The following DAB1 variants were observed in gnomAD, a reference collection of about 807,000 sequenced individuals.
DAB1 encodes the protein disabled homolog 1.
A neutral mutation model predicts 64.6 loss-of-function variants in DAB1; 15 were observed. The observed-to-expected ratio is 0.23, with a 90% CI of 0.16 to 0.36. The LOEUF is 0.36. Among genes scored for constraint, DAB1 ranks in the 10% least tolerant of loss-of-function variants. The pLI, the probability that DAB1 is intolerant of heterozygous loss-of-function variation, is 1.00. For synonymous variants in DAB1, 235 were observed against 251.9 expected (o/e 0.93, Z 0.64); for missense variants, 596 against 706.7 (o/e 0.84, Z 1.78).
intron 2 of DAB1, among the ~76,000 whole-genome samples, chr1:57,198,263 G>C (rs553600456): frequency 6.6e-6 from 1 of 151,696 alleles, no homozygotes; most frequent in African/African-American, 2.4e-5. Context: ...AATCACCCAC[G>C]CTGTGACAGA....
intron 4 of DAB1, among the ~76,000 whole-genome samples, chr1:57,135,719 G>C (rs1036214121): frequency 1.3e-5 from 2 of 152,102 alleles, no homozygotes; most frequent in Non-Finnish European, 2.9e-5. Flanking sequence ...AAATAATAAT[G>C]CAAAATGACC....
intron 2 of DAB1, among the ~76,000 whole-genome samples, chr1:57,208,975 A>C (rs1189661447): frequency 1.3e-5 from 2 of 152,208 alleles, no homozygotes; most frequent in Non-Finnish European, 2.9e-5. Flanking sequence ...CTGTGTCACA[A>C]GGTGTTGCTG....
At chr1:57,985,935 C>T (rs1480043370) in intron 5 of DAB1, among the ~76,000 whole-genome samples, 1 of 152,142 alleles carries the variant, frequency 6.6e-6, no homozygotes, top group Admixed American at 6.6e-5. Flanking sequence ...ATGTTTTATC[C>T]TAACAGCCCT....
At chr1:57,412,426 G>C (rs892843601) in intron 1 of DAB1, among the ~76,000 whole-genome samples, 2 of 152,210 alleles carry the variant, frequency 1.3e-5, no homozygotes, top group African/African-American at 2.4e-5. Flanking sequence ...TCTTGTGCCA[G>C]ACAGCCAAGT....
chr1:57,421,109 C>A (rs1278764007), intron 1 of DAB1, among the ~76,000 whole-genome samples: 1 of 152,178 alleles, frequency 6.6e-6, no homozygotes, highest in African/African-American at 2.4e-5. Flanking sequence ...TGGGTACTAT[C>A]AGGTACCAAG....
At chr1:58,137,880 G>C (rs1654036350) in intron 5 of DAB1, among the ~76,000 whole-genome samples, 1 of 152,138 alleles carries the variant, frequency 6.6e-6, no homozygotes, top group Non-Finnish European at 1.5e-5. Context: ...GTTTCAGCTG[G>C]AAGTGCTTCT....
intron 6 of DAB1, among the ~76,000 whole-genome samples, chr1:57,731,082 T>C (rs1466994153): frequency 6.6e-6 from 1 of 152,194 alleles, no homozygotes; most frequent in East Asian, 1.9e-4. Flanking sequence ...TGTCCAGAGA[T>C]AGATGAATGG....
At chr1:57,741,178 T>C (rs1018630709) in intron 6 of DAB1, among the ~76,000 whole-genome samples, 1 of 152,180 alleles carries the variant, frequency 6.6e-6, no homozygotes, top group Non-Finnish European at 1.5e-5. Flanking sequence ...ACAGAAGGTA[T>C]AAAGTCACTT....
chr1:57,242,497 G>T (rs1313256526), intron 2 of DAB1, among the ~76,000 whole-genome samples: 1 of 152,064 alleles, frequency 6.6e-6, no homozygotes, highest in Non-Finnish European at 1.5e-5. Flanking sequence ...GCACATATGG[G>T]TCTTTCTGAT....
chr1:57,739,709 T>G (rs1466656726), intron 6 of DAB1, among the ~76,000 whole-genome samples: 1 of 150,748 alleles, frequency 6.6e-6, no homozygotes, highest in African/African-American at 2.4e-5. Context: ...TGCCTCGGCC[T>G]CCCAAAGTGC....
intron 4 of DAB1, among the ~76,000 whole-genome samples, chr1:58,243,188 T>C (rs1660375747): frequency 6.6e-6 from 1 of 151,906 alleles, no homozygotes; most frequent in South Asian, 2.1e-4. Flanking sequence ...GCTGTAAATA[T>C]TTGCTTGGAG....
At chr1:57,079,310 T>C (rs1174318833) in intron 4 of DAB1, among the ~76,000 whole-genome samples, 1 of 152,108 alleles carries the variant, frequency 6.6e-6, no homozygotes, top group African/African-American at 2.4e-5. Flanking sequence ...TCAGTCTCCC[T>C]CATTCTTATC....
chr1:58,323,080 G>A (rs543154952), intron 4 of DAB1, among the ~76,000 whole-genome samples: 76 of 131,678 alleles, frequency 5.8e-4, no homozygotes, highest in African/African-American at 2.0e-3. Flanking sequence ...TCACACATGC[G>A]TTCCTATTGT....
At chr1:57,673,469 G>A (rs973876065) in intron 6 of DAB1, among the ~76,000 whole-genome samples, 1 of 152,042 alleles carries the variant, frequency 6.6e-6, no homozygotes, top group Middle Eastern at 3.2e-3. Context: ...AGTTTGGCAG[G>A]TTTTTTTCTA....
At chr1:58,194,771 T>C (rs1657579285) in intron 4 of DAB1, among the ~76,000 whole-genome samples, 1 of 152,210 alleles carries the variant, frequency 6.6e-6, no homozygotes, top group Admixed American at 6.5e-5. Context: ...CATGGTGTCA[T>C]TCTAGCTAGC....
rs533205804 is a variant in DAB1 at position 57,100,618 on chromosome 1, A to T, written c.307-28204T>A. Among the ~76,000 whole-genome samples, 3 of 152,330 alleles carry T rather than the reference A, an allele frequency of 2.0e-5. No homozygotes were observed. The South Asian group carries it at 6.2e-4, about 32-fold the overall frequency. On this transcript the variant is annotated intron_variant, in intron 4 of 14. Transcript: ENST00000371236. Reference sequence around the variant, plus strand: ...AGAAAAAAATGTTAAAGTCATTGAAACACAATATATTCAAGGGGCAAAGTG... The same window carrying T: ...AGAAAAAAATGTTAAAGTCATTGAATCACAATATATTCAAGGGGCAAAGTG...
intron 1 of DAB1, among the ~76,000 whole-genome samples, chr1:57,362,301 C>T (rs774687399): frequency 4.6e-5 from 7 of 151,800 alleles, no homozygotes; most frequent in Admixed American, 2.0e-4. Flanking sequence ...GAGACTAACA[C>T]ACAACATGTG....
At chr1:57,879,570 G>A (rs1201321591) in intron 1 of DAB1, among the ~76,000 whole-genome samples, 2 of 152,158 alleles carry the variant, frequency 1.3e-5, no homozygotes, top group East Asian at 3.9e-4. Context: ...TTAATCTGTG[G>A]TTGGCCAGCA....
rs1340278020 is a variant in DAB1, at chr1:57,543,315, G to A, written n.625+106277C>T. Among the ~76,000 whole-genome samples, 3 of 152,200 alleles carry A rather than the reference G, an allele frequency of 2.0e-5. 1 individual carries two copies. The East Asian group carries it at 5.8e-4, about 29-fold the overall frequency. ...CCTGGTTTTGCTCTTCAGTCTGTCT[G>A]ACTTCAAACCCACTCCTTCCCCTAT... On this transcript the variant is annotated intron_variant and non_coding_transcript_variant, in intron 7 of 20. Transcript: ENST00000485760.
Sources: gnomAD v4.1 joint callset for allele counts (sites outside exome capture counted in the v4.1 genomes callset) on GRCh38, gnomAD v4.1.1 for gene constraint, MANE v1.5 for transcripts, NCBI Gene and HGNC (gene_info 2026-07-23, HGNC 2026-07-21) for gene names.